Variants in LAMA2 observed in about 807,000 individuals in gnomAD.
The protein encoded by LAMA2 is laminin subunit alpha 2, also known as laminin subunit alpha-2.
A neutral mutation model predicts 364.8 loss-of-function variants in LAMA2; 269 were observed. The observed-to-expected ratio is 0.74, with a 90% confidence interval of 0.67 to 0.82. The LOEUF (loss-of-function observed/expected upper bound fraction) is 0.82, where lower values mean the gene tolerates loss of function less well. Among genes scored for constraint, LAMA2 ranks in the 40% least tolerant of loss-of-function variants. The probability of loss-of-function intolerance (pLI) is 0.00; values close to 1 mark genes in which losing one functional copy is unlikely to be tolerated. For synonymous variants in LAMA2, 1,379 were observed against 1,370.6 expected (o/e 1.01, Z -0.14); for missense variants, 3,807 against 3,873.2 (o/e 0.98, Z 0.45).
At chr6:128,954,241 ATAT>A (rs1420665639) in intron 1 of LAMA2, among the ~76,000 whole-genome samples, 4 of 152,142 alleles carry the variant, frequency 2.6e-5, no homozygotes, top group African/African-American at 9.6e-5. Context: ...ATGCTGTCTG[ATAT>A]TATTCTTGAA....
chr6:128,946,151 G>T (rs987718258), intron 1 of LAMA2, among the ~76,000 whole-genome samples: 1 of 152,184 alleles, frequency 6.6e-6, no homozygotes, highest in African/African-American at 2.4e-5. Context: ...GATTATCAAT[G>T]AATGTTGTTT....
chr6:129,287,592 C>T (rs995578665), intron 18 of LAMA2, among the ~76,000 whole-genome samples: 3 of 152,118 alleles, frequency 2.0e-5, no homozygotes, highest in Non-Finnish European at 4.4e-5. Context: ...ATGCTTTGGT[C>T]TCATTTTCAG....
chr6:129,219,304 A>G (rs1413673606), intron 12 of LAMA2, among the ~76,000 whole-genome samples: 4 of 152,174 alleles, frequency 2.6e-5, no homozygotes, highest in African/African-American at 9.7e-5. Flanking sequence ...TTAGAATGGC[A>G]GTCATTAAAA....
chr6:129,110,914 A>G (rs375902524), intron 4 of LAMA2, among the ~76,000 whole-genome samples: 6 of 138,730 alleles, frequency 4.3e-5, no homozygotes, highest in African/African-American at 1.8e-4. Flanking sequence ...GTGTCAGTTA[A>G]TCAGTCTTAA....
chr6:129,391,524 C>G lies in LAMA2; in HGVS notation c.5105C>G (p.Thr1702Ser). 2 of 1,613,888 alleles carry G rather than the reference C, an allele frequency of 1.2e-6. No individual in the cohort carries two copies. The highest frequency in any genetic ancestry group is 1.7e-6 in the Non-Finnish European group (2 of 1,179,882). Reference protein sequence around the residue: ...VNEKAIKLNETLGTRDEAFER... With the variant: ...VNEKAIKLNESLGTRDEAFER... Reference sequence around the variant, plus strand: ...GAAAAAGCTATAAAACTAAATGAAACTCTAGGAACTCGAGACGAGGCCTTT... The same window carrying G: ...GAAAAAGCTATAAAACTAAATGAAAGTCTAGGAACTCGAGACGAGGCCTTT... The change falls in exon 36 of 65, where the codon ACT (threonine) becomes AGT (serine). Residue 1702 changes from threonine (T) to serine (S), a missense_variant. By Grantham distance (58) the Thr-to-Ser change is moderately conservative (BLOSUM62 1). Transcript: ENST00000421865.
chr6:129,287,695 G>T (rs958177030), intron 18 of LAMA2, 152 bp from the exon 19 acceptor site: 2 of 738,754 alleles, frequency 2.7e-6, no homozygotes, highest in African/African-American at 3.5e-5. Flanking sequence ...TGCAGTTGTA[G>T]AAAAACATTT....
At chr6:129,042,362 T>A (rs1190005813) in intron 1 of LAMA2, among the ~76,000 whole-genome samples, 1 of 152,142 alleles carries the variant, frequency 6.6e-6, no homozygotes, top group African/African-American at 2.4e-5. Context: ...AGGGAGGAGA[T>A]ATGTGCTTTA....
intron 1 of LAMA2, among the ~76,000 whole-genome samples, chr6:128,935,279 T>C (rs766206624): frequency 7.0e-6 from 1 of 141,950 alleles, no homozygotes. Flanking sequence ...TGTGTTCTCA[T>C]TGTTCAACTC....
chr6:129,332,533 A>G (rs922888021), intron 29 of LAMA2, among the ~76,000 whole-genome samples: 1 of 152,172 alleles, frequency 6.6e-6, no homozygotes, highest in African/African-American at 2.4e-5. Context: ...TACAATCAAA[A>G]TTACTGGAAT....
chr6:129,243,730 GA>G (rs902888915), intron 12 of LAMA2, among the ~76,000 whole-genome samples: 56 of 145,650 alleles, frequency 3.8e-4, no homozygotes, highest in Admixed American at 5.5e-4. Context: ...CATTGAAAAA[GA>G]AAAAAAAAAT....
intron 4 of LAMA2, among the ~76,000 whole-genome samples, chr6:129,121,152 G>A (rs1776784001): frequency 6.6e-6 from 1 of 152,194 alleles, no homozygotes; most frequent in Non-Finnish European, 1.5e-5. Flanking sequence ...CGCACTGATG[G>A]TGGGCTTGGG....
rs371375023 is a variant in LAMA2, at chr6:129,514,474, C to T, written c.9090C>T (p.Ala3030=). 48 of 1,613,898 alleles carry T rather than the reference C, an allele frequency of 3.0e-5. No individual in the cohort carries two copies. In the South Asian group the frequency reaches 5.2e-4, roughly 17 times the overall value. ...LCDGQWHKVT[A]NKIKHRIELT... ...ATGGACAATGGCATAAAGTCACTGCCAACAAGATCAAACACCGCATTGAGC... is the reference window on the plus strand; with the variant it reads ...ATGGACAATGGCATAAAGTCACTGCTAACAAGATCAAACACCGCATTGAGC... Residue 3030 remains alanine (A), a synonymous_variant, in exon 64 of 65, where the codon GCC becomes GCT. Transcript: ENST00000421865.
intron 12 of LAMA2, among the ~76,000 whole-genome samples, chr6:129,235,606 G>A (rs1289780233): frequency 6.6e-6 from 1 of 152,122 alleles, no homozygotes. Flanking sequence ...GGGTCTGTCT[G>A]CCTTTGTATG....
rs987439435 is a variant in LAMA2 at position 129,456,476 on chromosome 6, C to T, written c.6849C>T (p.Gly2283=). 2 of 1,613,258 alleles carry T rather than the reference C, an allele frequency of 1.2e-6. No individual in the cohort carries two copies. The highest frequency in any genetic ancestry group is 1.3e-5 in the African/African-American group (1 of 74,850). The change falls in exon 48 of 65, where the codon GGC becomes GGT. Residue 2283 remains glycine, a synonymous_variant. Coordinates refer to ENST00000421865, the MANE Select transcript of LAMA2 (RefSeq NM_000426.4). ...CAAATGCAATGCTGTTTGTTGGTGG[C>T]CTGACTGGGAAATTAAAGGTAATGT... ...VDANAMLFVG[G]LTGKLKKADA...
Position 129,190,210 on chromosome 6 carries a change from T to G in LAMA2, c.1473T>G (p.Asn491Lys). ...PCFGPCICKE[N>K]VEGGDCSRCK... ...ATACATCTCTTTATTTGCAGGAAAA[T>G]GTTGAAGGAGGAGACTGTAGTCGTT... Residue 491 changes from asparagine (N) to lysine (K), a missense_variant, in exon 11 of 65, where the codon AAT (asparagine) becomes AAG (lysine). Around this residue, in one of 3 missense-constraint regions of LAMA2, gnomAD observed 3,333 missense variants for 3,345.7 expected, o/e 1.00. Coordinates refer to ENST00000421865, the MANE Select transcript of LAMA2 (RefSeq NM_000426.4). 1 of 1,613,306 alleles carries G rather than the reference T, an allele frequency of 6.2e-7. No individual in the cohort carries two copies. The highest frequency in any genetic ancestry group is 8.5e-7 in the Non-Finnish European group (1 of 1,179,434).
intron 12 of LAMA2, among the ~76,000 whole-genome samples, chr6:129,233,824 T>C (rs1784821682): frequency 6.6e-6 from 1 of 152,228 alleles, no homozygotes; most frequent in Non-Finnish European, 1.5e-5. Context: ...AGAGATTTTA[T>C]GGTATTTGTC....
intron 2 of LAMA2, among the ~76,000 whole-genome samples, chr6:129,059,351 A>G (rs181805573): frequency 1.2e-3 from 184 of 152,318 alleles, no homozygotes; most frequent in African/African-American, 4.3e-3. Flanking sequence ...GTTCAAGTGT[A>G]TTTCAACCAC....
At chr6:129,305,589 G>T (rs1179695991) in intron 22 of LAMA2, among the ~76,000 whole-genome samples, 1 of 152,076 alleles carries the variant, frequency 6.6e-6, no homozygotes. Flanking sequence ...GGGATTACAG[G>T]TGTATACCAC....
chr6:128,916,303 T>A (rs536865097), intron 1 of LAMA2, among the ~76,000 whole-genome samples: 50 of 152,312 alleles, frequency 3.3e-4, no homozygotes, highest in African/African-American at 1.1e-3. Context: ...CAATTTTTTT[T>A]AAAACTTCAA....
Sources: allele counts gnomAD v4.1 joint callset (sites outside exome capture counted in the v4.1 genomes callset), GRCh38; gene constraint gnomAD v4.1.1; regional missense constraint gnomAD v4.1.1; transcripts MANE v1.5; gene names NCBI Gene and HGNC (gene_info 2026-07-23, HGNC 2026-07-21).